Variants in PCNT observed in about 807,000 individuals in gnomAD.
The protein encoded by PCNT is kendrin.
Under a neutral mutation model 380.4 loss-of-function variants are expected in PCNT, and 319 were observed. That is an observed-to-expected ratio of 0.84 (90% CI 0.77 to 0.92). PCNT has a LOEUF of 0.92. Among genes scored for constraint, PCNT ranks in the 40% least tolerant of loss-of-function variants. The pLI is 0.00. For missense variants in PCNT, 4,400 were observed against 4,255.3 expected, an observed-to-expected ratio of 1.03 and a Z score of -0.95; for synonymous variants, 1,845 against 1,735.2, an observed-to-expected ratio of 1.06 and a Z score of -1.57.
chr21:46,435,892 T>G lies in PCNT; in HGVS notation c.8752-12T>G, dbSNP rs1035079551. The G allele has an allele frequency of 6.2e-7, 1 of 1,613,970 alleles. No homozygotes were observed. Among genetic ancestry groups the G allele is most frequent in the Admixed American group, 1.7e-5 (1 of 60,004 alleles). The stretch of plus-strand genomic sequence containing the variant: ...GTGAACGTCTTCTCTGTCTTTTTTC[T>G]GTTAACAACAGCGAGAATTAGAACT... On this transcript the variant is annotated splice_polypyrimidine_tract_variant and intron_variant, in intron 38 of 46. Coordinates refer to ENST00000359568, the MANE Select transcript of PCNT (RefSeq NM_006031.6).
At chr21:46,373,645 C>CT (rs945494407) in intron 15 of PCNT, among the ~76,000 whole-genome samples, 1 of 112 alleles carries the variant, frequency 8.9e-3, no homozygotes, top group Non-Finnish European at 0.026. Context: ...CCAGGGTGGT[C>CT]TGATCTCTTG....
At position 46,411,959 on chromosome 21, in the gene PCNT, C is replaced by A; in HGVS notation, c.5886C>A (p.Pro1962=). The A allele has an allele frequency of 6.3e-7, 1 of 1,599,236 alleles. No homozygotes were observed. The highest frequency in any genetic ancestry group is 2.0e-4 in the Middle Eastern group (1 of 5,112). ...GAGCCACAGCTCACACACGGGTGCC[C>A]GGGGCCCACCCACAGCCTCGCATGG... The part of the protein sequence containing the change: ...ARRATAHTRV[P]GAHPQPRMDG... The change falls in exon 28 of 47, where the codon CCC becomes CCA. Residue 1962 remains proline (P), a synonymous_variant. Transcript: ENST00000359568.
intron 35 of PCNT, 113 bp downstream of exon 35, chr21:46,428,703 C>A: frequency 1.1e-6 from 1 of 951,678 alleles, no homozygotes; most frequent in Non-Finnish European, 1.6e-6. Flanking sequence ...TCTAGTCAAG[C>A]CCCTGAGTGT....
chr21:46,416,773 AGC>A lies in PCNT; in HGVS notation c.6858_6859del (p.Leu2287GlyfsTer11). ...LLCSPGVSAAALALQWAESPP... is the reference protein window; with the variant it reads ...LLCSPGVSAAXLALQWAESPP... The stretch of plus-strand genomic sequence containing the variant: ...TTTGTTCCCCAGGCGTGTCTGCAGC[AGC>A]GCTGGCACTGCAGTGGGCCGAGTCT... On this transcript the variant is annotated frameshift_variant, in exon 30 of 47. Coordinates refer to ENST00000359568, the MANE Select transcript of PCNT (RefSeq NM_006031.6). LOFTEE classifies it high-confidence loss of function. 6.2e-7 allele frequency: 1 copy of A among 1,603,614 alleles called. No homozygotes were observed. Among genetic ancestry groups the A allele is most frequent in the Non-Finnish European group, 8.5e-7 (1 of 1,178,276 alleles).
chr21:46,409,815 A>C, intron 27 of PCNT, among the ~76,000 whole-genome samples: 1 of 151,010 alleles, frequency 6.6e-6, no homozygotes, highest in African/African-American at 2.4e-5. Context: ...GCTGATCTTG[A>C]ACTCCTGTGC....
intron 12 of PCNT, among the ~76,000 whole-genome samples, 189 bp from the exon 13 acceptor site, chr21:46,356,785 T>C (rs1028480555): frequency 4.6e-5 from 7 of 152,156 alleles, no homozygotes; most frequent in African/African-American, 1.2e-4. Flanking sequence ...AGCATGGAGG[T>C]GTCCCGAAAG....
intron 14 of PCNT, among the ~76,000 whole-genome samples, chr21:46,365,319 GGGGTTCTATTCACTGCCAT>G (rs2084864983): frequency 4.4e-5 from 6 of 136,928 alleles, no homozygotes; most frequent in African/African-American, 1.7e-4. Context: ...TCACTGCCAT[GGGGTTCTATTCACTGCCAT>G]GGGGTTCTAT....
rs759036569 is a variant in PCNT at position 46,399,776 on chromosome 21, A to G, written c.4771A>G (p.Ile1591Val). The G allele has an allele frequency of 3.4e-5, 55 of 1,613,970 alleles. No homozygotes were observed. The highest frequency in any genetic ancestry group is 4.6e-5 in the Non-Finnish European group (54 of 1,179,976). ...GGAAGAAGTGGAAAAACAGAAAAACATCGTGAAAGGGCTGGAACAGGTAAA... is the reference window on the plus strand; with the variant it reads ...GGAAGAAGTGGAAAAACAGAAAAACGTCGTGAAAGGGCTGGAACAGGTAAA... ...LQEEVEKQKN[I>V]VKGLEQDKEV... Residue 1591 changes from isoleucine to valine, a missense_variant, in exon 25 of 47, where the codon ATC becomes GTC. Transcript: ENST00000359568.
intron 39 of PCNT, 67 bp downstream of exon 39, chr21:46,436,215 C>T (rs575101813): frequency 3.9e-5 from 62 of 1,583,016 alleles, no homozygotes; most frequent in Middle Eastern, 2.2e-4. Flanking sequence ...AGACCCGGCC[C>T]GAGGGCTGGG....
intron 24 of PCNT, among the ~76,000 whole-genome samples, chr21:46,399,238 C>A (rs7276800): frequency 2.3e-5 from 1 of 42,988 alleles, no homozygotes; most frequent in Non-Finnish European, 4.6e-5. Flanking sequence ...TGTTCAGCCT[C>A]TGGGTCTAGG....
chr21:46,412,161 G>GGCT, intron 28 of PCNT, 94 bp downstream of exon 28: 1 of 1,406,942 alleles, frequency 7.1e-7, no homozygotes, highest in South Asian at 1.3e-5. Context: ...GGGCACTGGG[G>GGCT]GCTGCAGTTG....
In PCNT at chr21:46,411,657, G is replaced by A. The variant is rs1321576854; in HGVS notation, c.5584G>A (p.Ala1862Thr). ...CTCCCGGATCCAGGAGTTCGAAGCG[G>A]CCCTGAAAGCAAAGGAAGCGACGAT... ...MASRIQEFEA[A>T]LKAKEATIAE... Residue 1862 changes from alanine (A) to threonine (T), a missense_variant, in exon 28 of 47, where the codon GCC (alanine) becomes ACC (threonine). Coordinates refer to ENST00000359568, the MANE Select transcript of PCNT (RefSeq NM_006031.6). The A allele has an allele frequency of 5.0e-6, 8 of 1,612,956 alleles. No individual in the cohort carries two copies. Among genetic ancestry groups the A allele is most frequent in the Non-Finnish European group, 6.8e-6 (8 of 1,179,902 alleles).
At chr21:46,389,128 C>G in intron 18 of PCNT, 71 bp from the exon 19 acceptor site, 1 of 1,468,302 alleles carries the variant, frequency 6.8e-7, no homozygotes, top group Non-Finnish European at 9.5e-7. Context: ...GCTTCCTTGT[C>G]GTCTTGGCTG....
chr21:46,395,192 TTG>T lies in PCNT; in HGVS notation c.4217-2070_4217-2069del, dbSNP rs1232736976. Among the ~76,000 whole-genome samples, 42 of 152,272 alleles carry T rather than the reference TTG, an allele frequency of 2.8e-4. 1 individual carries two copies. The highest frequency in any genetic ancestry group is 2.7e-3 in the Admixed American group (42 of 15,282). ...TGTTACTTGCATTGGTCATGATAGT[TTG>T]TGATAAAAGACTTAACACTTTTACA... On this transcript the variant is annotated intron_variant, in intron 21 of 46. Transcript: ENST00000359568.
At chr21:46,424,474 C>T (rs369604446) in intron 32 of PCNT, among the ~76,000 whole-genome samples, 1 of 152,234 alleles carries the variant, frequency 6.6e-6, no homozygotes, top group South Asian at 2.1e-4. Context: ...CCCCACTTCC[C>T]GGCCTCACGG....
At chr21:46,324,632 A>G (rs1422087923) in intron 1 of PCNT, among the ~76,000 whole-genome samples, 2 of 150,108 alleles carry the variant, frequency 1.3e-5, no homozygotes, top group Admixed American at 1.3e-4. Context: ...GCGGGGCTAC[A>G]GGGGCGTGGC....
chr21:46,348,002 C>T (rs948471052), intron 6 of PCNT, among the ~76,000 whole-genome samples: 1 of 152,250 alleles, frequency 6.6e-6, no homozygotes, highest in African/African-American at 2.4e-5. Flanking sequence ...GAGCTGTCAG[C>T]CATGCTGAGT....
At position 46,349,692 on chromosome 21, in the gene PCNT, A is replaced by G. The variant is rs1391239214; in HGVS notation, c.1216A>G (p.Arg406Gly). Reference sequence around the variant, plus strand: ...TTGCTTTACCTTTCTAGGGGCCCTTAGGAACCTGGAGAGTCATCATCAAGC... The same window carrying G: ...TTGCTTTACCTTTCTAGGGGCCCTTGGGAACCTGGAGAGTCATCATCAAGC... The part of the protein sequence containing the change: ...QDKNQAERAL[R>G]NLESHHQAAI... The change falls in exon 8 of 47, where the codon AGG (arginine) becomes GGG (glycine). Residue 406 changes from arginine to glycine, a missense_variant. Transcript: ENST00000359568. 4.3e-6 allele frequency: 7 copies of G among 1,613,962 alleles called. No homozygotes were observed. The highest frequency in any genetic ancestry group is 1.7e-5 in the Admixed American group (1 of 60,004).
chr21:46,387,981 C>T (rs759853364), intron 17 of PCNT, among the ~76,000 whole-genome samples: 8 of 152,040 alleles, frequency 5.3e-5, no homozygotes, highest in South Asian at 4.1e-4. Context: ...GAGGCTGAGG[C>T]GGGTGGATCA....
Sources: gnomAD v4.1 joint callset for allele counts (sites outside exome capture counted in the v4.1 genomes callset) on GRCh38, gnomAD v4.1.1 for gene constraint, MANE v1.5 for transcripts, NCBI Gene and HGNC (gene_info 2026-07-23, HGNC 2026-07-21) for gene names.